TNKS: variants seen among roughly 807,000 people sequenced by gnomAD.
TNKS encodes the protein poly [ADP-ribose] polymerase tankyrase-1.
In TNKS, 72 loss-of-function variants were observed where a neutral mutation model predicts 135.8. The ratio of observed to expected loss-of-function variants is 0.53; its 90% CI spans 0.44 to 0.64. The LOEUF (loss-of-function observed/expected upper bound fraction) is 0.64, where lower values mean the gene tolerates loss of function less well. TNKS is among the 30% of genes least tolerant of loss of function. TNKS has a pLI of 0.00. For synonymous variants in TNKS, 849 were observed against 649.3 expected, an observed-to-expected ratio of 1.31 and a Z score of -4.68; for missense variants, 1,769 against 1,674.0, an observed-to-expected ratio of 1.06 and a Z score of -0.99.
chr8:9,655,909 T>G (rs1010986877), intron 3 of TNKS, among the ~76,000 whole-genome samples: 6 of 151,776 alleles, frequency 4.0e-5, no homozygotes, highest in Admixed American at 3.9e-4. Context: ...CCTTGATGAG[T>G]TGAGAGAAGA....
At chr8:9,746,136 C>G (rs1339011677) in intron 17 of TNKS, among the ~76,000 whole-genome samples, 1 of 152,086 alleles carries the variant, frequency 6.6e-6, no homozygotes, top group East Asian at 1.9e-4. Context: ...TCCAAACTGA[C>G]CAAGTTATGC....
At chr8:9,669,663 T>A (rs1259762749) in intron 3 of TNKS, among the ~76,000 whole-genome samples, 1 of 152,190 alleles carries the variant, frequency 6.6e-6, no homozygotes, top group Admixed American at 6.5e-5. Context: ...TGATTCAGCT[T>A]GGACTTAATG....
chr8:9,746,203 C>T (rs73533203), intron 17 of TNKS, among the ~76,000 whole-genome samples: 173 of 152,308 alleles, frequency 1.1e-3, no homozygotes, highest in African/African-American at 3.9e-3. Flanking sequence ...TTATAGCATA[C>T]TGGAGTTGAA....
At chr8:9,716,632 C>G (rs1415519601) in intron 11 of TNKS, among the ~76,000 whole-genome samples, 1 of 152,084 alleles carries the variant, frequency 6.6e-6, no homozygotes, top group African/African-American at 2.4e-5. Flanking sequence ...CTATCAGGTA[C>G]TTTGGCTGCC....
Position 9,556,255 on chromosome 8 carries a change from C to G in TNKS, c.316C>G (p.Pro106Ala). The G allele has an allele frequency of 6.2e-7, 1 of 1,614,248 alleles. No homozygotes were observed. The highest frequency in any genetic ancestry group is 8.5e-7 in the Non-Finnish European group (1 of 1,180,042). The change falls in exon 1 of 27, where the codon CCA (proline) becomes GCA (alanine). Residue 106 changes from proline to alanine, a missense_variant. Pro to Ala is a conservative substitution (Grantham distance 27). Transcript: ENST00000310430. ...ICTVAAAPVV[P>A]AVSTSSAAGV... ...TACCGTCGCCGCCGCTCCCGTGGTC[C>G]CAGCGGTTTCTACTTCATCTGCCGC...
At chr8:9,690,413 C>T (rs1040958653) in intron 5 of TNKS, among the ~76,000 whole-genome samples, 2 of 152,144 alleles carry the variant, frequency 1.3e-5, no homozygotes, top group Non-Finnish European at 2.9e-5. Flanking sequence ...TTCTCTTTCT[C>T]TTCTTAATAC....
rs1191690513 is a variant in TNKS, at chr8:9,778,264, G to C, written c.*1528G>C. On this transcript the variant is annotated 3_prime_UTR_variant, in exon 27 of 27. Coordinates refer to ENST00000310430, the MANE Select transcript of TNKS (RefSeq NM_003747.3). Reference sequence around the variant, plus strand: ...GCATCTACTCTGCTTTGAAGCGAAAGAAATATAAACACGAGGAGGAATAGG... The same window carrying C: ...GCATCTACTCTGCTTTGAAGCGAAACAAATATAAACACGAGGAGGAATAGG... The C allele has an allele frequency of 6.6e-6, 1 of 152,294 alleles. No homozygotes were observed. Among genetic ancestry groups the C allele is most frequent in the Admixed American group, 6.5e-5 (1 of 15,268 alleles). 9.4% of individuals were successfully genotyped at this position (152,294 alleles called of 1,614,324 possible).
At chr8:9,757,320 C>G (rs902530667) in intron 20 of TNKS, among the ~76,000 whole-genome samples, 2 of 152,148 alleles carry the variant, frequency 1.3e-5, no homozygotes, top group Admixed American at 6.5e-5. Flanking sequence ...AGATAAGGCC[C>G]TTTAAGATCC....
chr8:9,751,805 C>T lies in TNKS; in HGVS notation c.3029C>T (p.Ala1010Val), dbSNP rs763301489. ...TTGGCCGTAGGAGGAGCCTCCAATGCAGGGGATGGCGCCGCGGGAACAGAA... is the reference window on the plus strand; with the variant it reads ...TTGGCCGTAGGAGGAGCCTCCAATGTAGGGGATGGCGCCGCGGGAACAGAA... ...AELAVGGASN[A>V]GDGAAGTERK... The change falls in exon 19 of 27, where the codon GCA (alanine) becomes GTA (valine). Residue 1010 changes from alanine to valine, a missense_variant. This residue lies in a region of TNKS where 722 missense variants were observed against 688.9 expected (regional missense o/e 1.05). Transcript: ENST00000310430. The T allele has an allele frequency of 4.3e-6, 7 of 1,614,014 alleles. No homozygotes were observed. The Admixed American group carries it at 1.0e-4, about 23-fold the overall frequency.
At chr8:9,574,944 G>T in intron 1 of TNKS, 1 of 705,704 alleles carries the variant, frequency 1.4e-6, no homozygotes, top group Non-Finnish European at 1.7e-6. Flanking sequence ...TAGCACTCTT[G>T]TGACTGTGAG....
At chr8:9,689,859 T>C (rs1442188028) in intron 5 of TNKS, among the ~76,000 whole-genome samples, 2 of 152,230 alleles carry the variant, frequency 1.3e-5, no homozygotes, top group African/African-American at 4.8e-5. Flanking sequence ...CCCTCCTATG[T>C]AATTATTAAA....
intron 12 of TNKS, among the ~76,000 whole-genome samples, chr8:9,725,239 C>G (rs1436689538): frequency 6.6e-6 from 1 of 152,062 alleles, no homozygotes; most frequent in African/African-American, 2.4e-5. Flanking sequence ...GGAAATCCAT[C>G]CAGGAAATGC....
chr8:9,726,786 C>A, intron 13 of TNKS, 66 bp downstream of exon 13: 1 of 1,294,230 alleles, frequency 7.7e-7, no homozygotes, highest in Non-Finnish European at 1.1e-6. Flanking sequence ...CATTTTTAAG[C>A]TTCTAAGTAT....
rs1805409777 is a variant in TNKS, at chr8:9,730,998, C to G, written c.2110C>G (p.Leu704Val). Residue 704 changes from leucine (L) to valine (V), a missense_variant, in exon 14 of 27, where the codon CTA becomes GTA. Leu to Val is a conservative substitution (Grantham distance 32, BLOSUM62 1). Transcript: ENST00000310430. ...CCGCGTGTCTGTTGTAGAGTACCTG[C>G]TACACCACGGTGCCGATGTCCATGC... ...YNRVSVVEYL[L>V]HHGADVHAKD... The G allele has an allele frequency of 6.2e-7, 1 of 1,613,406 alleles. No individual in the cohort carries two copies. Among genetic ancestry groups the G allele is most frequent in the Non-Finnish European group, 8.5e-7 (1 of 1,179,660 alleles).
chr8:9,581,695 T>C (rs1798172130), intron 2 of TNKS, among the ~76,000 whole-genome samples: 1 of 152,230 alleles, frequency 6.6e-6, no homozygotes, highest in African/African-American at 2.4e-5. Flanking sequence ...GTCAGAATTT[T>C]ATACTGTTCT....
intron 2 of TNKS, among the ~76,000 whole-genome samples, chr8:9,598,996 C>A (rs1038481938): frequency 1.3e-5 from 2 of 151,324 alleles, no homozygotes; most frequent in Non-Finnish European, 2.9e-5. Context: ...TTGGGAAGCA[C>A]CTTTTACATG....
intron 3 of TNKS, chr8:9,658,306 C>A (rs113274611): frequency 2.0e-6 from 1 of 510,420 alleles, no homozygotes; most frequent in Non-Finnish European, 3.1e-6. Context: ...TCCTTGCCCT[C>A]GGGCCCCGCG....
At chr8:9,661,572 C>G (rs1290718111) in intron 3 of TNKS, among the ~76,000 whole-genome samples, 4 of 152,104 alleles carry the variant, frequency 2.6e-5, no homozygotes, top group Non-Finnish European at 4.4e-5. Flanking sequence ...ACACCTTAGA[C>G]AAAAATTAAT....
At chr8:9,564,386 T>C (rs1797447714) in intron 1 of TNKS, among the ~76,000 whole-genome samples, 1 of 151,692 alleles carries the variant, frequency 6.6e-6, no homozygotes. Flanking sequence ...AAAAAAAAAA[T>C]CTCAAGCTTA....
Sources: gnomAD v4.1 joint callset for allele counts (sites outside exome capture counted in the v4.1 genomes callset) on GRCh38, gnomAD v4.1.1 for gene constraint, gnomAD v4.1.1 regional missense constraint, MANE v1.5 for transcripts, NCBI Gene and HGNC (gene_info 2026-07-23, HGNC 2026-07-21) for gene names.